The following NLGN1 variants were observed in gnomAD, a reference collection of about 807,000 sequenced individuals.
The protein encoded by NLGN1 is neuroligin 1.
In NLGN1, 12 loss-of-function variants were observed where a neutral mutation model predicts 65.5. The ratio of observed to expected loss-of-function variants is 0.18; its 90% CI spans 0.12 to 0.30. The LOEUF (loss-of-function observed/expected upper bound fraction) is 0.30, where lower values mean the gene tolerates loss of function less well. Ranked by LOEUF, NLGN1 falls within the 10% of genes least tolerant of loss-of-function variation. The pLI, the probability that NLGN1 is intolerant of heterozygous loss-of-function variation, is 1.00. For missense variants in NLGN1, 750 were observed against 1,007.1 expected (o/e 0.74, Z 3.46); for synonymous variants, 350 against 359.5 (o/e 0.97, Z 0.30).
intron 4 of NLGN1, among the ~76,000 whole-genome samples, chr3:174,123,271 T>C (rs1003725247): frequency 5.3e-5 from 8 of 152,136 alleles, no homozygotes; most frequent in East Asian, 1.9e-4. Context: ...GCCACCAGAG[T>C]AGCAGAACAT....
intron 4 of NLGN1, among the ~76,000 whole-genome samples, chr3:173,960,296 T>A (rs1024926349): frequency 2.6e-5 from 4 of 152,068 alleles, no homozygotes. Context: ...TTTTTTTGCT[T>A]AACAAGAAAA....
intron 3 of NLGN1, among the ~76,000 whole-genome samples, chr3:173,620,256 TAGAAATAA>T (rs531637323): frequency 5.9e-4 from 90 of 152,040 alleles, no homozygotes; most frequent in Non-Finnish European, 8.8e-5. Flanking sequence ...AACTGTGGGG[TAGAAATAA>T]AGAAATAAAG....
chr3:174,261,519 T>A (rs1458556096), intron 4 of NLGN1, among the ~76,000 whole-genome samples: 1 of 147,082 alleles, frequency 6.8e-6, no homozygotes, highest in Admixed American at 6.9e-5. Flanking sequence ...TGCTTGTGAT[T>A]TTTGTACATT....
chr3:173,579,514 A>T (rs1027513405), intron 2 of NLGN1, among the ~76,000 whole-genome samples: 2 of 152,204 alleles, frequency 1.3e-5, no homozygotes, highest in African/African-American at 4.8e-5. Flanking sequence ...TCTAGTCTTG[A>T]TCATCACTTC....
At chr3:173,818,892 G>GCTCTTTTTTTTTTTTT (rs1719579570) in intron 4 of NLGN1, among the ~76,000 whole-genome samples, 1 of 21,314 alleles carries the variant, frequency 4.7e-5, no homozygotes, top group African/African-American at 2.7e-4. Context: ...CCTTTGAATA[G>GCTCTTTTTTTTTTTTT]TTCTTTTTTT....
intron 2 of NLGN1, among the ~76,000 whole-genome samples, chr3:173,538,929 T>G (rs1048289307): frequency 1.3e-5 from 2 of 151,760 alleles, no homozygotes; most frequent in African/African-American, 2.4e-5. Context: ...TCCCCAAATT[T>G]CCTTGTCACC....
chr3:173,409,204 A>C (rs1326172420), intron 1 of NLGN1, among the ~76,000 whole-genome samples: 1 of 152,166 alleles, frequency 6.6e-6, no homozygotes, highest in African/African-American at 2.4e-5. Context: ...CATCTTTAAC[A>C]TTGCAATATC....
At chr3:174,172,340 T>C (rs1196790639) in intron 4 of NLGN1, among the ~76,000 whole-genome samples, 1 of 152,122 alleles carries the variant, frequency 6.6e-6, no homozygotes. Context: ...AATTAAATTA[T>C]TTTTGACTAT....
chr3:173,461,314 A>G (rs775327901), intron 2 of NLGN1, among the ~76,000 whole-genome samples: 3 of 152,122 alleles, frequency 2.0e-5, no homozygotes, highest in Non-Finnish European at 2.9e-5. Context: ...CCTTAGGAAA[A>G]ATGTAGGGTC....
rs142791590 is a variant in NLGN1 at position 174,258,880 on chromosome 3, A to C, written c.647-16435A>C. On this transcript the variant is annotated intron_variant, in intron 4 of 6. Transcript: ENST00000457714. ...GAAGGGAGGAAAAGGAAGGAAGGAGAGGGTGGAAGAGGGGAGAGTAAAAGG... is the reference window on the plus strand; with the variant it reads ...GAAGGGAGGAAAAGGAAGGAAGGAGCGGGTGGAAGAGGGGAGAGTAAAAGG... Among the ~76,000 whole-genome samples, 596 of 152,180 alleles carry C rather than the reference A, an allele frequency of 3.9e-3. 1 individual carries two copies. The highest frequency in any genetic ancestry group is 5.9e-3 in the Non-Finnish European group (400 of 67,972).
At chr3:174,161,904 T>C (rs1284667264) in intron 4 of NLGN1, among the ~76,000 whole-genome samples, 1 of 151,790 alleles carries the variant, frequency 6.6e-6, no homozygotes, top group African/African-American at 2.4e-5. Flanking sequence ...TGTGGGGCAA[T>C]TGGACTGGTC....
At chr3:174,193,178 T>C (rs1732716942) in intron 4 of NLGN1, among the ~76,000 whole-genome samples, 1 of 152,212 alleles carries the variant, frequency 6.6e-6, no homozygotes, top group Admixed American at 6.5e-5. Flanking sequence ...TAAAATGGCA[T>C]ACAATAGTTT....
At chr3:174,173,333 T>G (rs2152736977) in intron 4 of NLGN1, among the ~76,000 whole-genome samples, 1 of 152,188 alleles carries the variant, frequency 6.6e-6, no homozygotes, top group African/African-American at 2.4e-5. Flanking sequence ...TAGCTAAAAC[T>G]TAAGTATTAT....
At chr3:173,409,644 C>T (rs146964310) in intron 1 of NLGN1, among the ~76,000 whole-genome samples, 1 of 152,262 alleles carries the variant, frequency 6.6e-6, no homozygotes, top group Admixed American at 6.5e-5. Context: ...CCTTTCTGTA[C>T]CTAAATCCAG....
intron 4 of NLGN1, among the ~76,000 whole-genome samples, chr3:173,871,623 G>A (rs529041603): frequency 6.6e-6 from 1 of 152,282 alleles, no homozygotes; most frequent in South Asian, 2.1e-4. Flanking sequence ...CTCTACTGGT[G>A]GCTAAATTTA....
At chr3:173,962,084 T>C (rs1332483928) in intron 4 of NLGN1, among the ~76,000 whole-genome samples, 1 of 151,990 alleles carries the variant, frequency 6.6e-6, no homozygotes, top group Admixed American at 6.6e-5. Flanking sequence ...GAGAAGAGAG[T>C]TAAAAAAATT....
chr3:174,247,296 C>T (rs1028117490), intron 4 of NLGN1, among the ~76,000 whole-genome samples: 6 of 152,128 alleles, frequency 3.9e-5, no homozygotes, highest in Non-Finnish European at 5.9e-5. Flanking sequence ...TCTGAAGATA[C>T]GTATCATCTG....
At chr3:173,984,067 C>A (rs758772487) in intron 4 of NLGN1, among the ~76,000 whole-genome samples, 9 of 152,132 alleles carry the variant, frequency 5.9e-5, no homozygotes, top group Non-Finnish European at 8.8e-5. Context: ...CAATTAAAAG[C>A]AAAACAATGT....
intron 4 of NLGN1, among the ~76,000 whole-genome samples, chr3:174,025,059 A>G (rs1414598561): frequency 6.6e-6 from 1 of 152,202 alleles, no homozygotes; most frequent in Non-Finnish European, 1.5e-5. Flanking sequence ...CGTTTAGTAT[A>G]TGCCTACTAT....
Sources: allele counts gnomAD v4.1 joint callset (sites outside exome capture counted in the v4.1 genomes callset), GRCh38; gene constraint gnomAD v4.1.1; transcripts MANE v1.5; gene names NCBI Gene and HGNC (gene_info 2026-07-23, HGNC 2026-07-21).